The following FAM227B variants were observed in gnomAD, a reference collection of about 807,000 sequenced individuals.
FAM227B encodes protein FAM227B.
FAM227B carries 88 observed loss-of-function variants against 73.8 expected under a neutral mutation model. That is an observed-to-expected ratio of 1.19 (90% CI 1.00 to 1.42). The LOEUF (loss-of-function observed/expected upper bound fraction) is 1.42. Ranked by LOEUF, FAM227B falls within the 40% of genes most tolerant of loss-of-function variation. The pLI is 0.00. For missense variants in FAM227B, 632 were observed against 590.9 expected (o/e 1.07, Z -0.72); for synonymous variants, 210 against 190.5 (o/e 1.10, Z -0.84).
At position 49,611,940 on chromosome 15, in the gene FAM227B, GC is replaced by G. The variant is rs1287346577; in HGVS notation, c.52-673del. 1.3e-4 allele frequency among the ~76,000 whole-genome samples: 20 copies of G among 151,412 alleles called. No homozygotes were observed. In the South Asian group the frequency reaches 2.5e-3, roughly 19 times the overall value. On this transcript the variant is annotated intron_variant, in intron 2 of 15. Transcript: ENST00000299338. ...AATTAAAAGTCACTTTGTCCATCAA[GC>G]CTTTCTTATCCCCCAAAGTTTTCTC...
At chr15:49,592,196 A>G (rs1320580384) in intron 3 of FAM227B, among the ~76,000 whole-genome samples, 1 of 152,114 alleles carries the variant, frequency 6.6e-6, no homozygotes, top group Non-Finnish European at 1.5e-5. Context: ...TTCTCTGTCC[A>G]GCTTTGTTCC....
intron 11 of FAM227B, among the ~76,000 whole-genome samples, chr15:49,382,556 C>A (rs535323011): frequency 3.3e-5 from 5 of 151,968 alleles, no homozygotes; most frequent in Non-Finnish European, 5.9e-5. Context: ...CTAAATACTG[C>A]AAAAGTAGCA....
intron 13 of FAM227B, among the ~76,000 whole-genome samples, chr15:49,336,698 T>C (rs1476983082): frequency 4.6e-5 from 7 of 152,242 alleles, no homozygotes; most frequent in Non-Finnish European, 8.8e-5. Context: ...AAGTACTTTC[T>C]AAAAAATAAT....
At chr15:49,579,770 A>G (rs1461733796) in intron 5 of FAM227B, among the ~76,000 whole-genome samples, 7 of 152,200 alleles carry the variant, frequency 4.6e-5, no homozygotes, top group Non-Finnish European at 1.0e-4. Context: ...TGTATTGTAT[A>G]TTTCAAAATA....
intron 10 of FAM227B, among the ~76,000 whole-genome samples, chr15:49,531,312 A>G (rs1370365820): frequency 6.6e-6 from 1 of 151,894 alleles, no homozygotes; most frequent in East Asian, 1.9e-4. Flanking sequence ...CACACCCTAC[A>G]GATTTGTGTA....
chr15:49,483,022 C>T (rs1253384475), intron 11 of FAM227B: 1 of 680,118 alleles, frequency 1.5e-6, no homozygotes, highest in Non-Finnish European at 2.7e-6. Context: ...GGGTCTTGGG[C>T]TGAGTAAATA....
chr15:49,576,895 T>C (rs2075479675), intron 6 of FAM227B, 50 bp from the exon 7 acceptor site: 1 of 1,013,272 alleles, frequency 9.9e-7, no homozygotes, highest in African/African-American at 1.6e-5. Flanking sequence ...CTCTTCTCAC[T>C]ATAGTAGACT....
intron 14 of FAM227B, among the ~76,000 whole-genome samples, chr15:49,334,983 C>T (rs913002063): frequency 6.6e-6 from 1 of 152,196 alleles, no homozygotes; most frequent in Admixed American, 6.5e-5. Context: ...TGCAAATGTT[C>T]CCCCAAGAAA....
At chr15:49,486,917 T>G (rs1259339073) in intron 11 of FAM227B, 1 of 151,970 alleles carries the variant, frequency 6.6e-6, no homozygotes, top group East Asian at 1.9e-4. Context: ...ATTTGTAGTC[T>G]AGGAAATTGA....
chr15:49,409,083 T>C (rs1345077485), intron 11 of FAM227B, among the ~76,000 whole-genome samples: 2 of 152,196 alleles, frequency 1.3e-5, no homozygotes, highest in African/African-American at 4.8e-5. Flanking sequence ...TTCATATGTA[T>C]GATTAAAGAT....
At chr15:49,605,672 T>C (rs1188719698) in intron 3 of FAM227B, among the ~76,000 whole-genome samples, 3 of 151,716 alleles carry the variant, frequency 2.0e-5, no homozygotes, top group Non-Finnish European at 4.4e-5. Flanking sequence ...GACCTGGTCC[T>C]GAGTACACTG....
At chr15:49,507,263 TGAA>T (rs1450190143) in intron 11 of FAM227B, among the ~76,000 whole-genome samples, 4 of 152,150 alleles carry the variant, frequency 2.6e-5, no homozygotes, top group Non-Finnish European at 4.4e-5. Context: ...TTCTCAGATC[TGAA>T]GAAGAATAAT....
Position 49,368,178 on chromosome 15 carries a change from G to GA in FAM227B, c.1111-571dup, listed in dbSNP as rs554045271. On this transcript the variant is annotated intron_variant, in intron 12 of 15. Coordinates refer to ENST00000299338, the MANE Select transcript of FAM227B (RefSeq NM_152647.3). The stretch of plus-strand genomic sequence containing the variant: ...GTGGGATAGCATAGAGGTGCTGATG[G>GA]AAAAAAAAAAACCTGTTGACCAAAA... Among the ~76,000 whole-genome samples, 311 of 144,468 alleles carry GA rather than the reference G, an allele frequency of 2.2e-3. 5 individuals are homozygous for GA. The South Asian group carries it at 0.029, about 14-fold the overall frequency. The allele number at this position is 144,468 out of a possible 152,430, so 94.8% of individuals were successfully genotyped here.
intron 10 of FAM227B, among the ~76,000 whole-genome samples, chr15:49,514,777 A>G (rs1279248284): frequency 6.6e-6 from 1 of 152,078 alleles, no homozygotes; most frequent in East Asian, 1.9e-4. Context: ...CAATTTGTCA[A>G]GATTTTTCTT....
Position 49,575,746 on chromosome 15 carries a change from T to C in FAM227B, c.547-637A>G, listed in dbSNP as rs538368128. On this transcript the variant is annotated intron_variant, in intron 7 of 15. Transcript: ENST00000299338. ...TTCCCCCTTTTCCACTGAGGACAAA[T>C]ATCAACAATCAATCATGGACTTATA... Among the ~76,000 whole-genome samples the C allele has an allele frequency of 9.0e-4, 137 of 152,132 alleles. 5 individuals carry two copies. In the South Asian group the frequency reaches 0.027, roughly 29 times the overall value.
chr15:49,540,119 C>A (rs959539878), intron 10 of FAM227B, among the ~76,000 whole-genome samples: 2 of 152,124 alleles, frequency 1.3e-5, no homozygotes, highest in Non-Finnish European at 2.9e-5. Flanking sequence ...TGTTGGTTAA[C>A]CATCTCAGTG....
chr15:49,478,032 C>T (rs1458773341), intron 11 of FAM227B, among the ~76,000 whole-genome samples: 1 of 152,168 alleles, frequency 6.6e-6, no homozygotes, highest in African/African-American at 2.4e-5. Context: ...CACCCAGGTA[C>T]TGAGCGTAGT....
intron 3 of FAM227B, among the ~76,000 whole-genome samples, chr15:49,607,982 C>T (rs908977997): frequency 6.6e-6 from 1 of 152,032 alleles, no homozygotes; most frequent in Admixed American, 6.5e-5. Flanking sequence ...GTGGCCAGAC[C>T]TAAAAAGGCA....
At chr15:49,554,672 G>C (rs577899391) in intron 9 of FAM227B, among the ~76,000 whole-genome samples, 1 of 152,210 alleles carries the variant, frequency 6.6e-6, no homozygotes, top group South Asian at 2.1e-4. Flanking sequence ...GGTTGGGGAG[G>C]GGTGGTGTTG....
Sources: gnomAD v4.1 joint callset for allele counts (sites outside exome capture counted in the v4.1 genomes callset) on GRCh38, gnomAD v4.1.1 for gene constraint, MANE v1.5 for transcripts, NCBI Gene and HGNC (gene_info 2026-07-23, HGNC 2026-07-21) for gene names.